Variants in GLG1 observed in about 807,000 individuals in gnomAD.
The protein encoded by GLG1 is golgi glycoprotein 1.
GLG1 carries 38 observed loss-of-function variants against 160.5 expected under a neutral mutation model. That is an observed-to-expected ratio of 0.24 (90% confidence interval 0.18 to 0.31). GLG1 has a LOEUF of 0.31. Ranked by LOEUF, GLG1 falls within the 10% of genes least tolerant of loss-of-function variation. The probability of loss-of-function intolerance (pLI) is 1.00; values close to 1 mark genes in which losing one functional copy is unlikely to be tolerated. For missense variants in GLG1, 1,373 were observed against 1,505.2 expected (o/e 0.91, Z 1.45); for synonymous variants, 644 against 543.4 (o/e 1.19, Z -2.57).
intron 1 of GLG1, among the ~76,000 whole-genome samples, chr16:74,564,019 C>A (rs1005632630): frequency 6.6e-6 from 1 of 152,158 alleles, no homozygotes; most frequent in African/African-American, 2.4e-5. Flanking sequence ...ACCTTCTGGG[C>A]TCAAGTGATC....
chr16:74,457,815 G>T (rs1597217025), intron 24 of GLG1, 59 bp downstream of exon 24: 16 of 1,520,728 alleles, frequency 1.1e-5, no homozygotes, highest in Non-Finnish European at 1.4e-5. Flanking sequence ...GTCTAAGAGG[G>T]AGTCTTTGCT....
At chr16:74,590,169 T>G (rs1450502353) in intron 1 of GLG1, among the ~76,000 whole-genome samples, 2 of 151,982 alleles carry the variant, frequency 1.3e-5, no homozygotes, top group Admixed American at 6.6e-5. Context: ...ACCTAAGTTT[T>G]TTGTATTTTT....
At chr16:74,462,271 AAAAC>A (rs376273621) in intron 21 of GLG1, 76 bp from the exon 22 acceptor site, 77 of 863,434 alleles carry the variant, frequency 8.9e-5, no homozygotes, top group East Asian at 4.6e-4. Flanking sequence ...CATGAAAAAA[AAAAC>A]AAACAACAAC....
At position 74,456,322 on chromosome 16, in the gene GLG1, G is replaced by A. The variant is rs561353937; in HGVS notation, c.3372+327C>T. Among the ~76,000 whole-genome samples, 11 of 152,328 alleles carry A rather than the reference G, an allele frequency of 7.2e-5. No homozygotes were observed. In the South Asian group the frequency reaches 1.4e-3, roughly 20 times the overall value. On this transcript the variant is annotated intron_variant, in intron 25 of 25. Transcript: ENST00000422840. The stretch of plus-strand genomic sequence containing the variant: ...AGCCAAGGAATTCTAAAAGCACACT[G>A]ACCATGTTTACTGTTTTTTAGTAGA...
intron 9 of GLG1, among the ~76,000 whole-genome samples, chr16:74,484,379 G>A (rs2015717010): frequency 6.6e-6 from 1 of 151,930 alleles, no homozygotes; most frequent in Admixed American, 6.6e-5. Flanking sequence ...CGTTGCCCAG[G>A]CTGGAATGCA....
At chr16:74,473,813 T>C (rs116421444) in intron 13 of GLG1, among the ~76,000 whole-genome samples, 1 of 152,154 alleles carries the variant, frequency 6.6e-6, no homozygotes, top group Non-Finnish European at 1.5e-5. Flanking sequence ...CAATCTTCCA[T>C]GCTTAGCTGG....
chr16:74,507,723 A>T (rs2016662715), intron 3 of GLG1, among the ~76,000 whole-genome samples: 1 of 152,118 alleles, frequency 6.6e-6, no homozygotes, highest in Non-Finnish European at 1.5e-5. Flanking sequence ...GCGACAGAGC[A>T]AGACTCCATC....
intron 1 of GLG1, among the ~76,000 whole-genome samples, chr16:74,553,357 C>T (rs1365943960): frequency 6.6e-6 from 1 of 151,920 alleles, no homozygotes; most frequent in Non-Finnish European, 1.5e-5. Context: ...CCACCATGCT[C>T]GGCTACTATT....
intron 1 of GLG1, among the ~76,000 whole-genome samples, chr16:74,558,560 C>A (rs1289707643): frequency 1.3e-5 from 2 of 152,322 alleles, no homozygotes; most frequent in South Asian, 2.1e-4. Context: ...GGCTTTCGCC[C>A]ATGTTTCCAT....
chr16:74,480,029 T>A (rs1025328568), intron 11 of GLG1, among the ~76,000 whole-genome samples: 11 of 152,156 alleles, frequency 7.2e-5, no homozygotes, highest in African/African-American at 2.7e-4. Context: ...CCCACCCACT[T>A]TGTTAAAAAC....
chr16:74,596,719 A>T (rs779373481), intron 1 of GLG1, among the ~76,000 whole-genome samples: 1 of 152,248 alleles, frequency 6.6e-6, no homozygotes, highest in African/African-American at 2.4e-5. Flanking sequence ...CAGGGGGGAA[A>T]ATGAGCTATC....
At position 74,575,581 on chromosome 16, in the gene GLG1, A is replaced by C. The variant is rs775284814; in HGVS notation, c.438+31076T>G. ...CTGTAACACCAAAATACAGCCTCAA[A>C]GATCTCTCGCTCTGTTTTTGTTTGT... On this transcript the variant is annotated intron_variant, in intron 1 of 25. Transcript: ENST00000422840. 3.9e-5 allele frequency among the ~76,000 whole-genome samples: 6 copies of C among 152,110 alleles called. 1 individual carries two copies. Among genetic ancestry groups the C allele is most frequent in the Non-Finnish European group, 7.4e-5 (5 of 68,022 alleles).
intron 2 of GLG1, among the ~76,000 whole-genome samples, chr16:74,509,899 C>G (rs1158240955): frequency 1.3e-5 from 2 of 151,958 alleles, no homozygotes; most frequent in Non-Finnish European, 2.9e-5. Context: ...TGCTGCCAGG[C>G]TGGTCTTGAA....
At chr16:74,462,003 C>A in intron 22 of GLG1, 91 bp downstream of exon 22, 1 of 693,114 alleles carries the variant, frequency 1.4e-6, no homozygotes, top group East Asian at 2.5e-5. Flanking sequence ...AGATCATTCA[C>A]GGCTGAAGGG....
In GLG1 at chr16:74,528,209, C is replaced by A. The variant is rs564189233; in HGVS notation, c.471+3912G>T. ...AGAGACAGGATTTCACCATGTTGGC[C>A]AGGCTGGTCTTCAACTCCTAGCCTC... On this transcript the variant is annotated intron_variant, in intron 2 of 25. Transcript: ENST00000422840. 5.3e-5 allele frequency among the ~76,000 whole-genome samples: 8 copies of A among 152,014 alleles called. No homozygotes were observed. The South Asian group carries it at 1.5e-3, about 28-fold the overall frequency.
At chr16:74,599,222 G>T (rs1958380324) in intron 1 of GLG1, among the ~76,000 whole-genome samples, 1 of 151,516 alleles carries the variant, frequency 6.6e-6, no homozygotes, top group African/African-American at 2.4e-5. Flanking sequence ...GACTTTACTT[G>T]GAGAACCAGC....
At position 74,463,494 on chromosome 16, in the gene GLG1, T is replaced by C; in HGVS notation, c.2668-15A>G. ...GGACAGAACCTCTGCAAAGAAACAG[T>C]TTGATAAAAACAGCTATCTAAACAT... On this transcript the variant is annotated splice_polypyrimidine_tract_variant and intron_variant, in intron 19 of 25. Transcript: ENST00000422840. 1 of 1,613,300 alleles carries C rather than the reference T, an allele frequency of 6.2e-7. No homozygotes were observed. The highest frequency in any genetic ancestry group is 1.1e-5 in the South Asian group (1 of 90,968).
intron 1 of GLG1, among the ~76,000 whole-genome samples, chr16:74,555,681 C>A (rs991096250): frequency 1.3e-5 from 2 of 151,752 alleles, no homozygotes; most frequent in African/African-American, 4.8e-5. Context: ...AGAGAGAGAT[C>A]CCTGTCTCTA....
chr16:74,494,915 T>C (rs2016131555), intron 5 of GLG1, 84 bp from the exon 6 acceptor site: 2 of 711,966 alleles, frequency 2.8e-6, no homozygotes, highest in Non-Finnish European at 5.1e-6. Flanking sequence ...TAGAGCTTTC[T>C]ATTAAACGAT....
Sources: gnomAD v4.1 joint callset for allele counts (sites outside exome capture counted in the v4.1 genomes callset) on GRCh38, gnomAD v4.1.1 for gene constraint, MANE v1.5 for transcripts, NCBI Gene and HGNC (gene_info 2026-07-23, HGNC 2026-07-21) for gene names.